Variants in ANKRD44 observed in about 807,000 individuals in gnomAD.
ANKRD44 encodes ankyrin repeat domain 44, also known as serine/threonine-protein phosphatase 6 regulatory ankyrin repeat subunit B.
A neutral mutation model predicts 116.0 loss-of-function variants in ANKRD44; 35 were observed. The ratio of observed to expected loss-of-function variants is 0.30; its 90% CI spans 0.23 to 0.40. The LOEUF (loss-of-function observed/expected upper bound fraction) is 0.40, where lower values mean the gene tolerates loss of function less well. Ranked by LOEUF, ANKRD44 falls within the 10% of genes least tolerant of loss-of-function variation. The pLI is 1.00. For missense variants in ANKRD44, 1,014 were observed against 1,242.6 expected (o/e 0.82, Z 2.77); for synonymous variants, 435 against 461.8 (o/e 0.94, Z 0.74).
At chr2:197,147,233 C>A in intron 2 of ANKRD44, 128 bp from the exon 3 acceptor site, 1 of 679,988 alleles carries the variant, frequency 1.5e-6, no homozygotes, top group South Asian at 1.7e-5. Context: ...ACCAAACATT[C>A]GAGTAACTTC....
chr2:197,299,797 A>C (rs2083842869), intron 1 of ANKRD44, among the ~76,000 whole-genome samples: 1 of 152,212 alleles, frequency 6.6e-6, no homozygotes, highest in Non-Finnish European at 1.5e-5. Context: ...ATGTAATCAA[A>C]CACCACCCAT....
intron 1 of ANKRD44, among the ~76,000 whole-genome samples, chr2:197,262,545 A>T (rs1240138990): frequency 6.6e-6 from 1 of 152,232 alleles, no homozygotes; most frequent in Admixed American, 6.5e-5. Context: ...AAAAATTTCA[A>T]CCTACCAAAA....
intron 22 of ANKRD44, 112 bp from the exon 23 acceptor site, chr2:197,000,614 C>T (rs1473087621): frequency 5.9e-6 from 5 of 849,200 alleles, no homozygotes; most frequent in East Asian, 2.6e-5. Context: ...TTTAAAAAAT[C>T]GAACGTAAAT....
At chr2:196,967,112 C>A (rs777985381) in exon 22 of ANKRD44, 25 of 159,738 alleles carry the variant, frequency 1.6e-4, no homozygotes, top group South Asian at 1.3e-3. Flanking sequence ...CATTTGTGTT[C>A]GTATAACACT....
At chr2:197,162,712 G>C (rs1048050269) in intron 2 of ANKRD44, among the ~76,000 whole-genome samples, 1 of 152,134 alleles carries the variant, frequency 6.6e-6, no homozygotes, top group East Asian at 1.9e-4. Context: ...CCATGCTATA[G>C]GCTTCTGGAC....
intron 1 of ANKRD44, among the ~76,000 whole-genome samples, chr2:197,257,901 C>A (rs915125805): frequency 2.0e-5 from 3 of 152,086 alleles, no homozygotes; most frequent in Non-Finnish European, 4.4e-5. Context: ...ATTGCCTCCC[C>A]CCTTTATCCC....
At chr2:197,031,163 TTC>T (rs912535932) in intron 16 of ANKRD44, among the ~76,000 whole-genome samples, 3 of 152,124 alleles carry the variant, frequency 2.0e-5, no homozygotes, top group African/African-American at 7.2e-5. Context: ...TGACACTATT[TTC>T]TTTTTTTTTT....
chr2:197,029,321 A>C (rs1026335452), intron 16 of ANKRD44: 1 of 263,182 alleles, frequency 3.8e-6, no homozygotes, highest in African/African-American at 2.3e-5. Flanking sequence ...ATATGGGTTT[A>C]GCTTCAACAT....
chr2:197,273,977 AAAAATATATATATATATATATAT>A (rs2082984499), intron 1 of ANKRD44, among the ~76,000 whole-genome samples: 1 of 51,312 alleles, frequency 1.9e-5, no homozygotes, highest in Admixed American at 2.8e-4. Context: ...AAAAAAAAAA[AAAAATATATATATATATATATAT>A]ATATATATAT....
chr2:197,047,179 C>A (rs2077018009), intron 16 of ANKRD44, among the ~76,000 whole-genome samples: 1 of 152,060 alleles, frequency 6.6e-6, no homozygotes, highest in South Asian at 2.1e-4. Flanking sequence ...CCACAATGCC[C>A]AGCTAATTTT....
chr2:197,019,002 T>C (rs1416764898), intron 17 of ANKRD44, among the ~76,000 whole-genome samples: 1 of 152,214 alleles, frequency 6.6e-6, no homozygotes, highest in Non-Finnish European at 1.5e-5. Flanking sequence ...CTCACGCTTT[T>C]AGGTGCCATC....
intron 21 of ANKRD44, among the ~76,000 whole-genome samples, chr2:196,979,382 C>CAAAAAAAAAA (rs778459937): frequency 2.5e-5 from 1 of 40,566 alleles, no homozygotes; most frequent in African/African-American, 8.2e-5. Flanking sequence ...GACTCCGTCT[C>CAAAAAAAAAA]AAAAAAAAAA....
chr2:197,202,364 T>C (rs1310814194), intron 1 of ANKRD44, among the ~76,000 whole-genome samples: 1 of 150,052 alleles, frequency 6.7e-6, no homozygotes, highest in Non-Finnish European at 1.5e-5. Flanking sequence ...AATGATCGAC[T>C]CCTCCAAGAA....
chr2:196,998,873 G>A, intron 24 of ANKRD44, 34 bp downstream of exon 24: 1 of 1,606,196 alleles, frequency 6.2e-7, no homozygotes, highest in South Asian at 1.1e-5. Context: ...TTTTGCATGG[G>A]CATAAGGGCA....
chr2:197,060,238 C>G (rs552753662), intron 16 of ANKRD44, among the ~76,000 whole-genome samples: 1 of 152,246 alleles, frequency 6.6e-6, no homozygotes, highest in South Asian at 2.1e-4. Context: ...GCTTCTTCAT[C>G]TTTTTAGATC....
chr2:197,014,390 CCT>C (rs1451924178), intron 17 of ANKRD44, among the ~76,000 whole-genome samples: 5 of 152,256 alleles, frequency 3.3e-5, no homozygotes, highest in African/African-American at 1.2e-4. Context: ...TATTTCTTCC[CCT>C]GATTACAATG....
chr2:197,287,073 AC>A (rs1368538395), intron 1 of ANKRD44, among the ~76,000 whole-genome samples: 1 of 152,098 alleles, frequency 6.6e-6, no homozygotes, highest in Non-Finnish European at 1.5e-5. Context: ...CCAAGAGTGA[AC>A]CCTGTCAACT....
At chr2:197,078,534 G>A (rs2077722808) in intron 16 of ANKRD44, 169 bp downstream of exon 16, 1 of 1,466,492 alleles carries the variant, frequency 6.8e-7, no homozygotes, top group Non-Finnish European at 9.1e-7. Flanking sequence ...AGGCAGCATG[G>A]TGCAGTAGAA....
intron 15 of ANKRD44, among the ~76,000 whole-genome samples, chr2:197,079,184 G>A (rs911419876): frequency 2.0e-5 from 3 of 152,040 alleles, no homozygotes; most frequent in Non-Finnish European, 4.4e-5. Context: ...TAAAGAAGTG[G>A]TCAGTATCAG....
Sources: gnomAD v4.1 joint callset for allele counts (sites outside exome capture counted in the v4.1 genomes callset) on GRCh38, gnomAD v4.1.1 for gene constraint, MANE v1.5 for transcripts, NCBI Gene and HGNC (gene_info 2026-07-23, HGNC 2026-07-21) for gene names.